TAS2R1: variants seen among roughly 807,000 people sequenced by gnomAD.
TAS2R1 encodes the protein taste 2 receptor member 1, also known as taste receptor type 2 member 1.
For synonymous variants in TAS2R1, 141 were observed against 134.2 expected (o/e 1.05, Z -0.35); for missense variants, 370 against 353.4 (o/e 1.05, Z -0.38).
At chr5:9,758,870 G>A in the TAS2R1 span, among the ~76,000 whole-genome samples, 1 of 152,112 alleles carries the variant, frequency 6.6e-6, no homozygotes, top group Non-Finnish European at 1.5e-5. Context: ...TTTTCAAATG[G>A]TAAAATTATG....
At chr5:9,728,978 T>C in the TAS2R1 span, among the ~76,000 whole-genome samples, 1 of 152,224 alleles carries the variant, frequency 6.6e-6, no homozygotes, top group Non-Finnish European at 1.5e-5. Context: ...AGACAAAGCC[T>C]GAGCTATCTT....
At chr5:9,734,309 A>T in the TAS2R1 span, among the ~76,000 whole-genome samples, 1 of 152,352 alleles carries the variant, frequency 6.6e-6, no homozygotes, top group Admixed American at 6.5e-5. Flanking sequence ...TTATTATAGC[A>T]GCCCAAACTG....
the TAS2R1 span, among the ~76,000 whole-genome samples, chr5:9,900,428 T>C: frequency 9.2e-5 from 14 of 152,212 alleles, no homozygotes; most frequent in Non-Finnish European, 1.9e-4. Context: ...GATTAAATGT[T>C]CATGCTTGAA....
the TAS2R1 span, among the ~76,000 whole-genome samples, chr5:9,785,279 G>T: frequency 6.6e-6 from 1 of 152,136 alleles, no homozygotes; most frequent in African/African-American, 2.4e-5. Context: ...TGCATCTTCA[G>T]GGGAGGTTTT....
chr5:9,696,297 C>T (rs145966693), intron 1 of TAS2R1, among the ~76,000 whole-genome samples: 461 of 152,206 alleles, frequency 3.0e-3, no homozygotes, highest in African/African-American at 0.01. Context: ...CGGTAGCTCA[C>T]GCCTGTAATC....
At chr5:9,804,705 T>C in the TAS2R1 span, among the ~76,000 whole-genome samples, 5 of 152,030 alleles carry the variant, frequency 3.3e-5, no homozygotes, top group Admixed American at 2.0e-4. Context: ...ACAATAACAG[T>C]GATAAAACTT....
chr5:9,638,238 T>C (rs1740001308), intron 2 of TAS2R1, among the ~76,000 whole-genome samples: 1 of 152,214 alleles, frequency 6.6e-6, no homozygotes, highest in African/African-American at 2.4e-5. Context: ...AGCTCTGGGC[T>C]GATATCAGGG....
At chr5:9,803,537 A>T in the TAS2R1 span, among the ~76,000 whole-genome samples, 1 of 152,238 alleles carries the variant, frequency 6.6e-6, no homozygotes, top group South Asian at 2.1e-4. Flanking sequence ...GATTAACAGC[A>T]GACTTCTCAG....
chr5:9,793,578 A>G, the TAS2R1 span, among the ~76,000 whole-genome samples: 1 of 152,168 alleles, frequency 6.6e-6, no homozygotes, highest in Non-Finnish European at 1.5e-5. Context: ...TGCACACTCA[A>G]TGCAGGTGCT....
the TAS2R1 span, among the ~76,000 whole-genome samples, chr5:9,812,258 T>G: frequency 6.6e-6 from 1 of 152,142 alleles, no homozygotes; most frequent in African/African-American, 2.4e-5. Context: ...TCGATAAATA[T>G]TCATTAAATG....
chr5:9,859,485 C>T, the TAS2R1 span, among the ~76,000 whole-genome samples: 75 of 152,190 alleles, frequency 4.9e-4, no homozygotes, highest in Non-Finnish European at 9.0e-4. Flanking sequence ...GCATTTTGTT[C>T]AAATTGATAT....
chr5:9,771,765 T>C, the TAS2R1 span, among the ~76,000 whole-genome samples: 1 of 152,042 alleles, frequency 6.6e-6, no homozygotes, highest in South Asian at 2.1e-4. Context: ...CAGCAATGTA[T>C]CTGTTTCTAG....
chr5:9,750,011 G>T, the TAS2R1 span, among the ~76,000 whole-genome samples: 1 of 152,148 alleles, frequency 6.6e-6, no homozygotes, highest in Admixed American at 6.5e-5. Flanking sequence ...GATTTTGGTT[G>T]CAGGAGGCAG....
the TAS2R1 span, among the ~76,000 whole-genome samples, chr5:9,753,533 C>G: frequency 6.6e-6 from 1 of 152,112 alleles, no homozygotes; most frequent in African/African-American, 2.4e-5. Flanking sequence ...TTTTGCTGTG[C>G]AGAAGCTCTT....
the TAS2R1 span, among the ~76,000 whole-genome samples, chr5:9,720,882 C>T: frequency 6.6e-6 from 1 of 152,210 alleles, no homozygotes; most frequent in Non-Finnish European, 1.5e-5. Flanking sequence ...CCATGCTGCA[C>T]TTGGAGGGCT....
At chr5:9,679,949 G>C (rs1220340400) in intron 1 of TAS2R1, among the ~76,000 whole-genome samples, 1 of 152,162 alleles carries the variant, frequency 6.6e-6, no homozygotes, top group Non-Finnish European at 1.5e-5. Context: ...GAAGAAGCCA[G>C]GGCTCCCTGG....
the TAS2R1 span, among the ~76,000 whole-genome samples, chr5:9,776,066 AC>A: frequency 6.6e-6 from 1 of 152,012 alleles, no homozygotes; most frequent in South Asian, 2.1e-4. Flanking sequence ...TTGATTCAGA[AC>A]CCCAGAACAC....
At chr5:9,835,795 A>C in the TAS2R1 span, among the ~76,000 whole-genome samples, 2 of 152,208 alleles carry the variant, frequency 1.3e-5, no homozygotes, top group African/African-American at 2.4e-5. Flanking sequence ...CTCTCAACTC[A>C]GTGTCCTTGT....
chr5:9,639,888 A>G (rs1444442304), intron 2 of TAS2R1, among the ~76,000 whole-genome samples: 1 of 152,164 alleles, frequency 6.6e-6, no homozygotes, highest in African/African-American at 2.4e-5. Context: ...GGCTGGTTTG[A>G]TTTTGTATGA....
Sources: allele counts gnomAD v4.1 joint callset (sites outside exome capture counted in the v4.1 genomes callset), GRCh38; gene constraint gnomAD v4.1.1; transcripts MANE v1.5; gene names NCBI Gene and HGNC (gene_info 2026-07-23, HGNC 2026-07-21).